CACNA2D1: variants seen among roughly 807,000 people sequenced by gnomAD.
CACNA2D1 encodes the protein voltage-dependent calcium channel subunit alpha-2/delta-1.
A neutral mutation model predicts 171.5 loss-of-function variants in CACNA2D1; 53 were observed. That is an observed-to-expected ratio of 0.31 (90% CI 0.25 to 0.39). The LOEUF (loss-of-function observed/expected upper bound fraction) is 0.39, where lower values mean the gene tolerates loss of function less well. Among genes scored for constraint, CACNA2D1 ranks in the 10% least tolerant of loss-of-function variants. The pLI is 1.00. For missense variants in CACNA2D1, 903 were observed against 1,299.8 expected, an observed-to-expected ratio of 0.69 and a Z score of 4.69; for synonymous variants, 442 against 443.1, an observed-to-expected ratio of 1.00 and a Z score of 0.03.
chr7:81,975,228 C>CTG (rs1232541841), intron 24 of CACNA2D1, among the ~76,000 whole-genome samples: 1 of 152,020 alleles, frequency 6.6e-6, no homozygotes, highest in African/African-American at 2.4e-5. Context: ...TTTCTTGCAA[C>CTG]TGCATGTGAA....
rs368048384 is a variant in CACNA2D1 at position 82,414,278 on chromosome 7, T to C, written c.95+29087A>G. On this transcript the variant is annotated intron_variant, in intron 1 of 38. Transcript: ENST00000356860. ...AGTATTCACATATACATTGCCTCAT[T>C]TGAAAGTCACAACAACACATGGTGC... Among the ~76,000 whole-genome samples the C allele has an allele frequency of 6.6e-5, 10 of 152,280 alleles. No homozygotes were observed. The East Asian group carries it at 7.7e-4, about 12-fold the overall frequency.
chr7:82,346,671 CAT>C (rs1819298325), intron 2 of CACNA2D1, among the ~76,000 whole-genome samples: 1 of 151,694 alleles, frequency 6.6e-6, no homozygotes, highest in Non-Finnish European at 1.5e-5. Context: ...TATATGTTGA[CAT>C]TTCCTTACAC....
intron 3 of CACNA2D1, among the ~76,000 whole-genome samples, chr7:82,258,596 A>T (rs1016191578): frequency 1.3e-5 from 2 of 152,158 alleles, no homozygotes; most frequent in Non-Finnish European, 2.9e-5. Flanking sequence ...GCATCACTCT[A>T]AACAGTTGTG....
At chr7:82,292,188 C>G (rs1417612208) in intron 3 of CACNA2D1, among the ~76,000 whole-genome samples, 1 of 152,120 alleles carries the variant, frequency 6.6e-6, no homozygotes, top group Non-Finnish European at 1.5e-5. Context: ...TGGAGTTATA[C>G]ATTCTCAGGT....
intron 4 of CACNA2D1, among the ~76,000 whole-genome samples, chr7:82,147,133 TA>T (rs1793240200): frequency 6.6e-6 from 1 of 151,024 alleles, no homozygotes; most frequent in South Asian, 2.1e-4. Context: ...TCGAATAAGT[TA>T]AAAGGTAGGC....
At chr7:82,387,784 A>G (rs1824580112) in intron 1 of CACNA2D1, among the ~76,000 whole-genome samples, 1 of 152,174 alleles carries the variant, frequency 6.6e-6, no homozygotes, top group Non-Finnish European at 1.5e-5. Flanking sequence ...GTGCCTGTTC[A>G]AATTTAAATC....
At chr7:82,373,916 A>C (rs1822713469) in intron 1 of CACNA2D1, among the ~76,000 whole-genome samples, 1 of 152,234 alleles carries the variant, frequency 6.6e-6, no homozygotes, top group African/African-American at 2.4e-5. Flanking sequence ...AAAAAAGTAA[A>C]TCATAGTTTC....
Position 82,376,809 on chromosome 7 carries a change from T to C in CACNA2D1, c.96-27160A>G, listed in dbSNP as rs901048997. ...GCTGTACTGAGCAATGTCAGCTTTA[T>C]ACTTTTAAGAAAATCTTTTAGGCGA... On this transcript the variant is annotated intron_variant, in intron 1 of 38. Transcript: ENST00000356860. Among the ~76,000 whole-genome samples, 4 of 152,192 alleles carry C rather than the reference T, an allele frequency of 2.6e-5. No homozygotes were observed. In the East Asian group the frequency reaches 5.8e-4, roughly 22 times the overall value.
chr7:82,190,480 T>C (rs1270918269), intron 3 of CACNA2D1, among the ~76,000 whole-genome samples: 2 of 151,754 alleles, frequency 1.3e-5, no homozygotes. Flanking sequence ...TCATTAACTT[T>C]CCTCAAATCT....
intron 3 of CACNA2D1, among the ~76,000 whole-genome samples, chr7:82,318,209 G>C (rs1815347154): frequency 6.6e-6 from 1 of 152,084 alleles, no homozygotes; most frequent in Admixed American, 6.6e-5. Flanking sequence ...TTTTTTGAAA[G>C]CTTGCTAGTC....
chr7:82,436,121 C>T (rs922232373), intron 1 of CACNA2D1, among the ~76,000 whole-genome samples: 4 of 151,968 alleles, frequency 2.6e-5, no homozygotes, highest in African/African-American at 9.7e-5. Context: ...CAGCGCAGTA[C>T]GTAATTTGCA....
At chr7:81,962,585 T>C in intron 34 of CACNA2D1, 90 bp from the exon 35 acceptor site, 1 of 783,930 alleles carries the variant, frequency 1.3e-6, no homozygotes, top group Non-Finnish European at 2.2e-6. Context: ...TTTCCCTTTA[T>C]CTTTTTGGGA....
chr7:82,015,665 C>T (rs559671793), intron 12 of CACNA2D1, among the ~76,000 whole-genome samples: 1 of 152,238 alleles, frequency 6.6e-6, no homozygotes, highest in Admixed American at 6.5e-5. Flanking sequence ...ATCACTTTTC[C>T]ATGAGTTCAA....
At chr7:82,148,425 T>TAA in intron 4 of CACNA2D1, among the ~76,000 whole-genome samples, 1 of 151,752 alleles carries the variant, frequency 6.6e-6, no homozygotes, top group Middle Eastern at 3.4e-3. Context: ...AGGAGAGAGC[T>TAA]AAAAGTGACA....
At chr7:82,172,281 G>A (rs1345585994) in intron 3 of CACNA2D1, among the ~76,000 whole-genome samples, 1 of 151,838 alleles carries the variant, frequency 6.6e-6, no homozygotes, top group African/African-American at 2.4e-5. Context: ...TACATTTCAG[G>A]AACACTGCAT....
At chr7:82,336,286 T>C (rs796554843) in intron 2 of CACNA2D1, among the ~76,000 whole-genome samples, 19 of 152,332 alleles carry the variant, frequency 1.2e-4, no homozygotes, top group Admixed American at 3.9e-4. Context: ...CTGATAACAC[T>C]GGTGAATACT....
chr7:82,328,786 T>C (rs42052), intron 3 of CACNA2D1, among the ~76,000 whole-genome samples: 107,796 of 152,038 alleles, frequency 0.71, 38,408 homozygotes, highest in East Asian at 0.8. Flanking sequence ...AAAATCCAGA[T>C]AAATTTCTTG....
intron 3 of CACNA2D1, among the ~76,000 whole-genome samples, chr7:82,260,649 C>T (rs1806948051): frequency 6.6e-6 from 1 of 152,098 alleles, no homozygotes; most frequent in African/African-American, 2.4e-5. Context: ...AAGTTATTTC[C>T]ACTAGTCTAC....
chr7:82,000,756 A>AACTAATTT (rs1257724376), intron 18 of CACNA2D1, among the ~76,000 whole-genome samples: 1 of 138,002 alleles, frequency 7.2e-6, no homozygotes, highest in Non-Finnish European at 1.5e-5. Context: ...TACCATGCCT[A>AACTAATTT]ACTAATTTTT....
Sources: allele counts gnomAD v4.1 joint callset (sites outside exome capture counted in the v4.1 genomes callset), GRCh38; gene constraint gnomAD v4.1.1; transcripts MANE v1.5; gene names NCBI Gene and HGNC (gene_info 2026-07-23, HGNC 2026-07-21).